The following LDB3 variants were observed in gnomAD, a reference collection of about 807,000 sequenced individuals.
The protein encoded by LDB3 is LIM domain-binding protein 3.
A neutral mutation model predicts 69.0 loss-of-function variants in LDB3; 49 were observed. The ratio of observed to expected loss-of-function variants is 0.71; its 90% CI spans 0.56 to 0.90. LDB3 has a LOEUF of 0.90. Among genes scored for constraint, LDB3 ranks in the 40% least tolerant of loss-of-function variants. The pLI, the probability that LDB3 is intolerant of heterozygous loss-of-function variation, is 0.00. For synonymous variants in LDB3, 387 were observed against 396.2 expected, an observed-to-expected ratio of 0.98 and a Z score of 0.28; for missense variants, 928 against 974.1, an observed-to-expected ratio of 0.95 and a Z score of 0.63.
Position 86,668,723 on chromosome 10 carries a change from G to A in LDB3, c.32G>A (p.Gly11Glu). MSYSVTLTGP[G>E]PWGFRLQGGK... ...TACAGTGTGACCCTGACTGGGCCCG[G>A]GCCCTGGGGCTTCCGTCTGCAGGGG... is the stretch of plus-strand genomic sequence containing the variant. Residue 11 changes from glycine to glutamate, a missense_variant, in exon 2 of 14, where the codon GGG becomes GAG. Coordinates refer to ENST00000361373, the MANE Select transcript of LDB3 (RefSeq NM_007078.3). 1 of 1,613,412 alleles carries A rather than the reference G, an allele frequency of 6.2e-7. No individual in the cohort carries two copies. The highest frequency in any genetic ancestry group is 8.5e-7 in the Non-Finnish European group (1 of 1,180,008).
intron 2 of LDB3, among the ~76,000 whole-genome samples, chr10:86,672,258 G>A (rs1339659354): frequency 6.6e-6 from 1 of 152,260 alleles, no homozygotes; most frequent in African/African-American, 2.4e-5. Flanking sequence ...CCTGGGCCCA[G>A]GAGGGGCCTG....
rs764961385 is a variant in LDB3 at position 86,706,661 on chromosome 10, A to G, written c.1027A>G (p.Thr343Ala). 1.2e-6 allele frequency: 2 copies of G among 1,612,836 alleles called. No homozygotes were observed. The highest frequency in any genetic ancestry group is 4.5e-5 in the East Asian group (2 of 44,896). The change falls in exon 8 of 14, where the codon ACT becomes GCT. Residue 343 changes from threonine to alanine, a missense_variant. Physicochemically the swap from Thr to Ala is moderately conservative, Grantham distance 58. Coordinates refer to ENST00000361373, the MANE Select transcript of LDB3 (RefSeq NM_007078.3). ...ACCCCTGGCCACAGCTGCTGCCCAC[A>G]CTGCCATCGCCTCCGCCTCCACCAC... ...SPPLATAAAH[T>A]AIASASTTAP... is the part of the protein sequence containing the mutation.
At chr10:86,679,250 A>G (rs1844970444) in intron 2 of LDB3, 117 bp from the exon 3 acceptor site, 1 of 1,315,140 alleles carries the variant, frequency 7.6e-7, no homozygotes. Flanking sequence ...GCCGTAGCGA[A>G]TGAAAAACAC....
rs12761754 is a variant in LDB3, at chr10:86,716,537, C to G, written c.1442C>G (p.Pro481Arg). The G allele has an allele frequency of 1.3e-5, 21 of 1,613,378 alleles. No individual in the cohort carries two copies. The East Asian group carries it at 4.7e-4, about 36-fold the overall frequency. The change falls in exon 10 of 14, where the codon CCT (proline) becomes CGT (arginine). Residue 481 changes from proline to arginine, a missense_variant. Coordinates refer to ENST00000361373, the MANE Select transcript of LDB3 (RefSeq NM_007078.3). Reference sequence around the variant, plus strand: ...CCCTCGGTGGCCTACAGCGGGGGCCCTGCGGAGCCTGCCAGCCGTCCACCC... The same window carrying G: ...CCCTCGGTGGCCTACAGCGGGGGCCGTGCGGAGCCTGCCAGCCGTCCACCC... ...PAPSVAYSGG[P>R]AEPASRPPWV...
chr10:86,686,021 G>A (rs1301774108), intron 5 of LDB3, among the ~76,000 whole-genome samples: 1 of 152,126 alleles, frequency 6.6e-6, no homozygotes, highest in Non-Finnish European at 1.5e-5. Flanking sequence ...CTGCTGCTGG[G>A]CCTGTGTGAG....
intron 3 of LDB3, 84 bp downstream of exon 3, chr10:86,679,602 A>C: frequency 6.8e-7 from 1 of 1,468,470 alleles, no homozygotes; most frequent in Middle Eastern, 1.8e-4. Context: ...GTCCCATAGC[A>C]ATTGAGTGGG....
At chr10:86,680,447 G>A (rs776570556) in intron 4 of LDB3, among the ~76,000 whole-genome samples, 3 of 152,236 alleles carry the variant, frequency 2.0e-5, no homozygotes, top group Non-Finnish European at 4.4e-5. Context: ...GGGCAGCAGT[G>A]TTCCCAGGAG....
intron 4 of LDB3, among the ~76,000 whole-genome samples, chr10:86,680,422 A>G (rs117149910): frequency 1.5e-3 from 223 of 152,330 alleles, no homozygotes; most frequent in Non-Finnish European, 2.5e-3. Flanking sequence ...GGCTGGGCTG[A>G]TAGGAAGCCA....
chr10:86,688,721 G>A (rs138117543), intron 5 of LDB3, among the ~76,000 whole-genome samples: 3 of 152,300 alleles, frequency 2.0e-5, no homozygotes, highest in Non-Finnish European at 2.9e-5. Flanking sequence ...TCTTTGTCAC[G>A]TGTGTCCTTG....
At chr10:86,687,525 C>A (rs1845549193) in intron 5 of LDB3, among the ~76,000 whole-genome samples, 1 of 152,222 alleles carries the variant, frequency 6.6e-6, no homozygotes, top group African/African-American at 2.4e-5. Flanking sequence ...CTTTTCACAG[C>A]CTCTGCATTT....
At chr10:86,668,477 CAG>C (rs1388064422), upstream of LDB3, 3 of 643,014 alleles carry the variant, frequency 4.7e-6, no homozygotes, top group Non-Finnish European at 8.5e-6. Flanking sequence ...CAGCCGAAGG[CAG>C]ATATCAGTGT....
Position 86,718,807 on chromosome 10 carries a change from C to G in LDB3, c.1938C>G (p.Ser646Arg), listed in dbSNP as rs755094215. The G allele has an allele frequency of 1.9e-6, 3 of 1,614,170 alleles. No individual in the cohort carries two copies. The highest frequency in any genetic ancestry group is 2.5e-6 in the Non-Finnish European group (3 of 1,180,022). ...CAACKKPFGN[S>R]LFHMEDGEPY... is the part of the protein sequence containing the mutation. ...CCTGCAAGAAGCCTTTTGGGAACAGCCTCTTCCACATGGAAGACGGGGAGC... is the reference window on the plus strand; with the variant it reads ...CCTGCAAGAAGCCTTTTGGGAACAGGCTCTTCCACATGGAAGACGGGGAGC... Residue 646 changes from serine to arginine, a missense_variant, in exon 12 of 14, where the codon AGC becomes AGG. Coordinates refer to ENST00000361373, the MANE Select transcript of LDB3 (RefSeq NM_007078.3).
At position 86,716,491 on chromosome 10, in the gene LDB3, GC is replaced by G; in HGVS notation, c.1401del (p.Asn468ThrfsTer24). On this transcript the variant is annotated frameshift_variant, in exon 10 of 14. Coordinates refer to ENST00000361373, the MANE Select transcript of LDB3 (RefSeq NM_007078.3). LOFTEE classifies it high-confidence loss of function. ...AGCACCAGCCTATACCCCCTCACCTGCCCCCAACTATAACCCTGCACCCTCG... is the reference window on the plus strand; with the variant it reads ...AGCACCAGCCTATACCCCCTCACCTGCCCCAACTATAACCCTGCACCCTCG... ...SPAPAYTPSPAPNYNPAPSVA... is the reference protein window; with the variant it reads ...SPAPAYTPSPXPNYNPAPSVA... 1 of 1,598,930 alleles carries G rather than the reference GC, an allele frequency of 6.3e-7. No individual in the cohort carries two copies. Among genetic ancestry groups the G allele is most frequent in the Non-Finnish European group, 8.5e-7 (1 of 1,173,200 alleles).
At chr10:86,706,979 C>T (rs1232384627) in intron 8 of LDB3, among the ~76,000 whole-genome samples, 1 of 152,176 alleles carries the variant, frequency 6.6e-6, no homozygotes, top group Non-Finnish European at 1.5e-5. Flanking sequence ...GTGTCTCTCT[C>T]TGACACATAT....
chr10:86,688,836 G>A (rs565111366), intron 5 of LDB3, among the ~76,000 whole-genome samples: 4 of 152,326 alleles, frequency 2.6e-5, no homozygotes, highest in Non-Finnish European at 5.9e-5. Context: ...TGGGAAGACT[G>A]CTATCATTTG....
chr10:86,716,355 A>C lies in LDB3; in HGVS notation c.1260A>C (p.Pro420=). The C allele has an allele frequency of 6.2e-7, 1 of 1,609,226 alleles. No individual in the cohort carries two copies. The highest frequency in any genetic ancestry group is 1.1e-5 in the South Asian group (1 of 90,810). The change falls in exon 10 of 14, where the codon CCA becomes CCC. Residue 420 remains proline (P), a synonymous_variant. Coordinates refer to ENST00000361373, the MANE Select transcript of LDB3 (RefSeq NM_007078.3). ...CTGCATCTACCTACAGCCCGTCCCCAGGGGCCAATTACAGTCCCACTCCCT... is the reference window on the plus strand; with the variant it reads ...CTGCATCTACCTACAGCCCGTCCCCCGGGGCCAATTACAGTCCCACTCCCT... The part of the protein sequence containing the change: ...PVPASTYSPS[P]GANYSPTPYT...
chr10:86,730,051 G>A (rs957617127), intron 13 of LDB3, among the ~76,000 whole-genome samples: 1 of 152,160 alleles, frequency 6.6e-6, no homozygotes, highest in Non-Finnish European at 1.5e-5. Flanking sequence ...CAGCATCACT[G>A]CATCCACCTG....
intron 13 of LDB3, among the ~76,000 whole-genome samples, chr10:86,731,276 G>GT (rs1377510552): frequency 1.4e-5 from 2 of 143,326 alleles, no homozygotes; most frequent in Non-Finnish European, 3.0e-5. Flanking sequence ...CCAGGCTTGG[G>GT]TACAGTGGCA....
intron 7 of LDB3, among the ~76,000 whole-genome samples, chr10:86,704,871 T>G (rs1489275495): frequency 6.6e-6 from 1 of 152,156 alleles, no homozygotes; most frequent in African/African-American, 2.4e-5. Context: ...CGTGAGTCAC[T>G]GTGCCCGGCC....
Sources: gnomAD v4.1 joint callset for allele counts (sites outside exome capture counted in the v4.1 genomes callset) on GRCh38, gnomAD v4.1.1 for gene constraint, MANE v1.5 for transcripts, NCBI Gene and HGNC (gene_info 2026-07-23, HGNC 2026-07-21) for gene names.